CPZ: variants seen among roughly 807,000 people sequenced by gnomAD.
The protein encoded by CPZ is carboxypeptidase Z, also known as VEZT/CPZ fusion.
A neutral mutation model predicts 61.8 loss-of-function variants in CPZ; 103 were observed. That is an observed-to-expected ratio of 1.67 (90% CI 1.42 to 1.96). CPZ has a LOEUF of 1.96. CPZ is among the 30% of genes most tolerant of loss of function. CPZ has a pLI of 0.00. For synonymous variants in CPZ, 551 were observed against 373.7 expected, an observed-to-expected ratio of 1.47 and a Z score of -5.47; for missense variants, 1,461 against 914.9, an observed-to-expected ratio of 1.60 and a Z score of -7.70.
At chr4:8,608,935 G>A (rs1344470184) in intron 7 of CPZ, among the ~76,000 whole-genome samples, 1 of 151,946 alleles carries the variant, frequency 6.6e-6, no homozygotes, top group African/African-American at 2.4e-5. Context: ...GGCAGTGACA[G>A]CAACACCTGG....
chr4:8,618,019 C>T (rs1560305528), intron 9 of CPZ: 1 of 248,006 alleles, frequency 4.0e-6, no homozygotes. Flanking sequence ...CTGTCCTCGT[C>T]CTCTCCCATG....
intron 8 of CPZ, 49 bp downstream of exon 8, chr4:8,612,211 G>GGGGGGGGGC: frequency 4.6e-6 from 1 of 215,364 alleles, no homozygotes; most frequent in Non-Finnish European, 8.4e-6. Flanking sequence ...GGGTGCAGGG[G>GGGGGGGGGC]CTGGGTGGGG....
At position 8,603,970 on chromosome 4, in the gene CPZ, C is replaced by T. The variant is rs1293066006; in HGVS notation, c.497-6C>T. The T allele has an allele frequency of 6.2e-7, 1 of 1,611,870 alleles. No individual in the cohort carries two copies. Among genetic ancestry groups the T allele is most frequent in the Non-Finnish European group, 8.5e-7 (1 of 1,179,698 alleles). ...CACTGACTGAGCCCCCCCACTGCTC[C>T]CCCAGGAGGCCTGGAGGCTGACGAG... On this transcript the variant is annotated splice_region_variant and splice_polypyrimidine_tract_variant and intron_variant, in intron 3 of 10. Coordinates refer to ENST00000360986, the MANE Select transcript of CPZ (RefSeq NM_001014447.3).
At chr4:8,595,242 C>T (rs1000842039) in intron 1 of CPZ, among the ~76,000 whole-genome samples, 2 of 152,238 alleles carry the variant, frequency 1.3e-5, no homozygotes, top group African/African-American at 2.4e-5. Context: ...GGCTCAGTGG[C>T]CACGTGTGGC....
At chr4:8,607,801 AG>A (rs1341027267) in intron 7 of CPZ, among the ~76,000 whole-genome samples, 6 of 151,574 alleles carry the variant, frequency 4.0e-5, no homozygotes, top group African/African-American at 1.5e-4. Context: ...GCGCCGGCAG[AG>A]GGCAGTGCTG....
intron 7 of CPZ, among the ~76,000 whole-genome samples, chr4:8,608,134 C>CTCCAGCTTCCAGCTTCCAGCTTCCAGCT (rs200771067): frequency 1.2e-3 from 175 of 140,950 alleles, no homozygotes; most frequent in African/African-American, 4.3e-3. Context: ...GGGCCCCAGC[C>CTCCAGCTTCCAGCTTCCAGCTTCCAGCT]TCCAGCCCCC....
intron 4 of CPZ, among the ~76,000 whole-genome samples, chr4:8,604,564 C>T (rs1160552738): frequency 6.6e-6 from 1 of 152,186 alleles, no homozygotes; most frequent in African/African-American, 2.4e-5. Context: ...TCACTGCAAC[C>T]TCTGCCTCCT....
At chr4:8,609,680 G>C (rs1265383929) in intron 7 of CPZ, among the ~76,000 whole-genome samples, 1 of 151,758 alleles carries the variant, frequency 6.6e-6, no homozygotes, top group Non-Finnish European at 1.5e-5. Flanking sequence ...CTGGCCCAGT[G>C]TGTCTCAGCC....
intron 6 of CPZ, among the ~76,000 whole-genome samples, 184 bp downstream of exon 6, chr4:8,607,082 C>T (rs576193525): frequency 3.9e-5 from 6 of 152,180 alleles, no homozygotes; most frequent in Non-Finnish European, 8.8e-5. Context: ...TTCAGAGATT[C>T]ATGTTGGAAA....
rs138915903 is a variant in CPZ, at chr4:8,612,097, G to A, written c.1298G>A (p.Cys433Tyr). 1.7e-4 allele frequency: 275 copies of A among 1,612,954 alleles called. 1 individual carries two copies. Among genetic ancestry groups the A allele is most frequent in the Non-Finnish European group, 2.1e-4 (249 of 1,179,714 alleles). Residue 433 changes from cysteine to tyrosine, a missense_variant, in exon 8 of 11, where the codon TGT becomes TAT. Transcript: ENST00000360986. ...PMMMDRSENR[C>Y]GGNFLKRGSI... ...ATGATGGACAGGTCGGAGAATAGGT[G>A]TGGAGGCAATTTCCTGAAGAGGGGG... is the stretch of plus-strand genomic sequence containing the variant.
chr4:8,602,451 C>T lies in CPZ; in HGVS notation c.496+954C>T, dbSNP rs1714649764. ...CGCATTTGAATGAGTCTGAACCTGTCTTTGAAGAGCCTAGGGCCAGTGTGT... is the reference window on the plus strand; with the variant it reads ...CGCATTTGAATGAGTCTGAACCTGTTTTTGAAGAGCCTAGGGCCAGTGTGT... On this transcript the variant is annotated intron_variant, in intron 3 of 10. Transcript: ENST00000360986. The T allele has an allele frequency of 2.0e-5, 3 of 152,422 alleles. No individual in the cohort carries two copies. In the South Asian group the frequency reaches 6.2e-4, roughly 32 times the overall value. 9.4% of individuals were successfully genotyped at this position (152,422 alleles called of 1,614,324 possible).
chr4:8,612,266 GGA>G (rs1715776800), intron 8 of CPZ, 104 bp downstream of exon 8: 6 of 1,012,258 alleles, frequency 5.9e-6, no homozygotes, highest in Non-Finnish European at 8.2e-6. Flanking sequence ...GGATCCAGCT[GGA>G]GAGCCCGGAA....
chr4:8,601,074 G>A (rs774760742), intron 2 of CPZ, 49 bp from the exon 3 acceptor site: 17 of 1,520,364 alleles, frequency 1.1e-5, no homozygotes, highest in Admixed American at 6.1e-5. Context: ...GATGCGTGAC[G>A]GTCAGGGCCA....
chr4:8,611,724 C>T (rs1327470307), intron 7 of CPZ, among the ~76,000 whole-genome samples: 1 of 152,048 alleles, frequency 6.6e-6, no homozygotes. Flanking sequence ...CTGTGTGTAA[C>T]CTCAGGAGAG....
chr4:8,607,237 C>T (rs371852436), intron 6 of CPZ, 30 bp from the exon 7 acceptor site: 3 of 1,608,936 alleles, frequency 1.9e-6, no homozygotes, highest in Non-Finnish European at 8.5e-7. Context: ...AAAGCCCAGC[C>T]CTGAGGGCGG....
Position 8,605,994 on chromosome 4 carries a change from C to G in CPZ, c.715C>G (p.Pro239Ala), listed in dbSNP as rs368230336. ...SRPGQHELME[P>A]EVKLIGNIHG... ...GTCTCTGTATTTGCCCCCAGTGGAG[C>G]CCGAGGTGAAGCTCATCGGCAACAT... Residue 239 changes from proline to alanine, a missense_variant, in exon 5 of 11, where the codon CCC (proline) becomes GCC (alanine). Physicochemically the swap from Pro to Ala is conservative, Grantham distance 27. Coordinates refer to ENST00000360986, the MANE Select transcript of CPZ (RefSeq NM_001014447.3). 6.2e-7 allele frequency: 1 copy of G among 1,612,354 alleles called. No homozygotes were observed. The highest frequency in any genetic ancestry group is 8.5e-7 in the Non-Finnish European group (1 of 1,178,472).
chr4:8,592,960 C>T, intron 1 of CPZ, 39 bp downstream of exon 1: 1 of 1,440,322 alleles, frequency 6.9e-7, no homozygotes, highest in Non-Finnish European at 9.4e-7. Flanking sequence ...ACCCTCCACC[C>T]TGCAACCTCT....
At position 8,604,154 on chromosome 4, in the gene CPZ, C is replaced by T. The variant is rs140673461; in HGVS notation, c.675C>T (p.Ile225=). Residue 225 remains isoleucine, a synonymous_variant, in exon 4 of 11, where the codon ATC becomes ATT. Coordinates refer to ENST00000360986, the MANE Select transcript of CPZ (RefSeq NM_001014447.3). ...RSFDGRELLV[I]EFSSRPGQHE... ...TCGACGGCAGGGAGCTGCTGGTCAT[C>T]GAGTTCTCCAGCCGCCCCGGCCAGC... 1.8e-4 allele frequency: 277 copies of T among 1,580,988 alleles called. 1 individual carries two copies. The African/African-American group carries it at 2.5e-3, about 15-fold the overall frequency.
chr4:8,609,054 C>CACTCATACACTCA (rs1560297655), intron 7 of CPZ, among the ~76,000 whole-genome samples: 1 of 148,516 alleles, frequency 6.7e-6, no homozygotes, highest in African/African-American at 2.5e-5. Flanking sequence ...CTCCCTCCCT[C>CACTCATACACTCA]CCTCACTCCC....
Sources: allele counts gnomAD v4.1 joint callset (sites outside exome capture counted in the v4.1 genomes callset), GRCh38; gene constraint gnomAD v4.1.1; transcripts MANE v1.5; gene names NCBI Gene and HGNC (gene_info 2026-07-23, HGNC 2026-07-21).